Variants in ELL2 observed in about 807,000 individuals in gnomAD.
The protein encoded by ELL2 is RNA polymerase II elongation factor ELL2.
ELL2 carries 21 observed loss-of-function variants against 72.8 expected under a neutral mutation model. The observed-to-expected ratio is 0.29, with a 90% CI of 0.20 to 0.42. ELL2 has a LOEUF of 0.42. Among genes scored for constraint, ELL2 ranks in the 10% least tolerant of loss-of-function variants. ELL2 has a pLI of 1.00. For synonymous variants in ELL2, 266 were observed against 283.2 expected (o/e 0.94, Z 0.61); for missense variants, 568 against 772.8 (o/e 0.73, Z 3.14).
intron 1 of ELL2, among the ~76,000 whole-genome samples, chr5:95,947,711 A>T (rs1166915118): frequency 6.6e-6 from 1 of 152,126 alleles, no homozygotes; most frequent in African/African-American, 2.4e-5. Context: ...TTGCCTCTGA[A>T]ATGTGTTACC....
At chr5:95,933,713 A>G (rs1379965680) in intron 2 of ELL2, among the ~76,000 whole-genome samples, 1 of 152,188 alleles carries the variant, frequency 6.6e-6, no homozygotes, top group Non-Finnish European at 1.5e-5. Context: ...AAGGCTGCAT[A>G]AAAATAATAA....
chr5:95,901,191 A>G lies in ELL2; in HGVS notation c.742-111T>C, dbSNP rs543756054. ...AAAATAATTACATCAATTGGCCCCA[A>G]AGGGACTGCTAGTTTTGTATTATAT... On this transcript the variant is annotated intron_variant, in intron 5 of 11. Coordinates refer to ENST00000237853, the MANE Select transcript of ELL2 (RefSeq NM_012081.6). The G allele has an allele frequency of 3.9e-5, 47 of 1,194,046 alleles. No individual in the cohort carries two copies. In the African/African-American group the frequency reaches 5.8e-4, roughly 15 times the overall value. 74.0% of individuals were successfully genotyped at this position (1,194,046 alleles called of 1,614,324 possible). A position where few individuals can be genotyped will look rare whatever the true frequency, so the allele number is the denominator to read the frequency against.
chr5:95,917,958 A>G (rs1355930141), intron 3 of ELL2, among the ~76,000 whole-genome samples: 4 of 152,228 alleles, frequency 2.6e-5, no homozygotes, highest in Non-Finnish European at 5.9e-5. Context: ...ACAATTAAAA[A>G]TTAGTGTACC....
rs1748499117 is a variant in ELL2 at position 95,887,364 on chromosome 5, A to G, written c.*1507T>C. The G allele has an allele frequency of 2.6e-5, 4 of 152,664 alleles. No individual in the cohort carries two copies. The highest frequency in any genetic ancestry group is 2.6e-4 in the Admixed American group (4 of 15,274). The allele number at this position is 152,664 out of a possible 1,614,324, so 9.5% of individuals were successfully genotyped here. ...GATAACCAACATTTTTCTGGTTTAC[A>G]GTGATACACAACAAAGTTATTCATT... On this transcript the variant is annotated 3_prime_UTR_variant, in exon 12 of 12. Coordinates refer to ENST00000237853, the MANE Select transcript of ELL2 (RefSeq NM_012081.6).
At chr5:95,917,828 T>A (rs1340778044) in intron 3 of ELL2, among the ~76,000 whole-genome samples, 1 of 152,176 alleles carries the variant, frequency 6.6e-6, no homozygotes, top group Non-Finnish European at 1.5e-5. Context: ...TTACTTACAA[T>A]GATATGAATG....
intron 3 of ELL2, among the ~76,000 whole-genome samples, chr5:95,918,783 G>T (rs755289212): frequency 1.6e-4 from 24 of 151,876 alleles, no homozygotes; most frequent in Non-Finnish European, 2.8e-4. Context: ...AATGAAGAGT[G>T]AAACAAGTGG....
At chr5:95,937,771 G>A (rs574781013) in intron 2 of ELL2, among the ~76,000 whole-genome samples, 2 of 152,142 alleles carry the variant, frequency 1.3e-5, no homozygotes, top group Admixed American at 6.5e-5. Flanking sequence ...AGAGTATCAA[G>A]GTAGCTGTTA....
rs1198614302 is a variant in ELL2 at position 95,886,141 on chromosome 5, A to T, written c.*2730T>A. 1.3e-5 allele frequency: 2 copies of T among 152,198 alleles called. No homozygotes were observed. The allele number at this position is 152,198 out of a possible 1,614,324, so 9.4% of individuals were successfully genotyped here. A position where few individuals can be genotyped will look rare whatever the true frequency, so the allele number is the denominator to read the frequency against. Reference sequence around the variant, plus strand: ...AAAAAGAAAAGAAAAAAAACTAGATAAATTCTTCCACCGGAGTAACTGACA... The same window carrying T: ...AAAAAGAAAAGAAAAAAAACTAGATTAATTCTTCCACCGGAGTAACTGACA... On this transcript the variant is annotated 3_prime_UTR_variant, in exon 12 of 12. Coordinates refer to ENST00000237853, the MANE Select transcript of ELL2 (RefSeq NM_012081.6).
At chr5:95,902,695 A>G (rs142993929) in intron 5 of ELL2, among the ~76,000 whole-genome samples, 1 of 152,350 alleles carries the variant, frequency 6.6e-6, no homozygotes, top group Admixed American at 6.5e-5. Flanking sequence ...GCAAAATTCA[A>G]ATTTGCAAAT....
chr5:95,933,333 G>C (rs944157535), intron 2 of ELL2, among the ~76,000 whole-genome samples: 29 of 152,260 alleles, frequency 1.9e-4, no homozygotes, highest in Admixed American at 3.3e-4. Context: ...AATAATTTAT[G>C]CACACGGATT....
At chr5:95,895,552 T>C in intron 9 of ELL2, 76 bp downstream of exon 9, 1 of 1,405,862 alleles carries the variant, frequency 7.1e-7, no homozygotes, top group South Asian at 1.2e-5. Flanking sequence ...TTTTCTGATT[T>C]GCAAATTATG....
chr5:95,906,095 T>C (rs144792995), intron 5 of ELL2, among the ~76,000 whole-genome samples: 39 of 152,294 alleles, frequency 2.6e-4, no homozygotes, highest in African/African-American at 8.4e-4. Context: ...ACAAAGTATG[T>C]GGGGCAAGAT....
chr5:95,928,705 T>A (rs961431127), intron 2 of ELL2, among the ~76,000 whole-genome samples: 6 of 152,208 alleles, frequency 3.9e-5, no homozygotes, highest in African/African-American at 1.4e-4. Flanking sequence ...GTTTTCGACC[T>A]CCACTTTTGA....
intron 2 of ELL2, among the ~76,000 whole-genome samples, chr5:95,939,767 C>G (rs1310157977): frequency 6.6e-6 from 1 of 152,158 alleles, no homozygotes; most frequent in Non-Finnish European, 1.5e-5. Flanking sequence ...GTAGATACAA[C>G]TATCTTGATT....
intron 4 of ELL2, among the ~76,000 whole-genome samples, chr5:95,909,422 C>A (rs1209845282): frequency 6.6e-6 from 1 of 152,124 alleles, no homozygotes; most frequent in African/African-American, 2.4e-5. Context: ...ACCTCCCCAT[C>A]CCTTTTGTGC....
chr5:95,947,122 T>C (rs920337362), intron 1 of ELL2, among the ~76,000 whole-genome samples: 2 of 152,136 alleles, frequency 1.3e-5, no homozygotes, highest in South Asian at 4.1e-4. Context: ...TATTTTTTCA[T>C]AGGTTGTCTT....
intron 7 of ELL2, 48 bp downstream of exon 7, chr5:95,900,645 G>A (rs756067017): frequency 1.5e-6 from 2 of 1,351,966 alleles, no homozygotes; most frequent in Non-Finnish European, 2.0e-6. Context: ...CCTGATTAGA[G>A]GCCCCTAATA....
intron 2 of ELL2, among the ~76,000 whole-genome samples, chr5:95,929,409 C>T (rs981307507): frequency 2.0e-5 from 3 of 152,032 alleles, no homozygotes; most frequent in Non-Finnish European, 4.4e-5. Flanking sequence ...CAGGTGTGCA[C>T]CACCACATCC....
chr5:95,898,483 T>G lies in ELL2; in HGVS notation c.1282A>C (p.Lys428Gln), dbSNP rs768928599. The change falls in exon 8 of 12, where the codon AAA (lysine) becomes CAA (glutamine). Residue 428 changes from lysine to glutamine, a missense_variant. Coordinates refer to ENST00000237853, the MANE Select transcript of ELL2 (RefSeq NM_012081.6). ...TCCAGAGAAGTCCTAGAGGTATATT[T>G]GTCTTGCTGGTCCTCATAGATACTA... ...NDSIYEDQQD[K>Q]YTSRTSLETL... The G allele has an allele frequency of 2.7e-5, 43 of 1,613,988 alleles. No homozygotes were observed. The highest frequency in any genetic ancestry group is 3.4e-5 in the Non-Finnish European group (40 of 1,180,008).
Sources: allele counts gnomAD v4.1 joint callset (sites outside exome capture counted in the v4.1 genomes callset), GRCh38; gene constraint gnomAD v4.1.1; transcripts MANE v1.5; gene names NCBI Gene and HGNC (gene_info 2026-07-23, HGNC 2026-07-21).